The following CEP85L variants were observed in gnomAD, a reference collection of about 807,000 sequenced individuals.
The protein encoded by CEP85L is centrosomal protein of 85 kDa-like.
In CEP85L, 60 loss-of-function variants were observed where a neutral mutation model predicts 100.3. The observed-to-expected ratio is 0.60, with a 90% CI of 0.49 to 0.74. The LOEUF (loss-of-function observed/expected upper bound fraction) is 0.74, where lower values mean the gene tolerates loss of function less well. Among genes scored for constraint, CEP85L ranks in the 30% least tolerant of loss-of-function variants. The pLI is 0.00. For synonymous variants in CEP85L, 319 were observed against 322.7 expected, an observed-to-expected ratio of 0.99 and a Z score of 0.12; for missense variants, 973 against 936.2, an observed-to-expected ratio of 1.04 and a Z score of -0.51.
chr6:118,615,864 C>A (rs960967821), intron 2 of CEP85L, among the ~76,000 whole-genome samples: 3 of 152,222 alleles, frequency 2.0e-5, no homozygotes, highest in Admixed American at 6.5e-5. Context: ...CATGACTTCG[C>A]AGTGATAGAA....
At chr6:118,566,902 C>T (rs944685366) in intron 2 of CEP85L, among the ~76,000 whole-genome samples, 7 of 151,834 alleles carry the variant, frequency 4.6e-5, no homozygotes, top group East Asian at 1.9e-4. Context: ...TTATATTTAC[C>T]CTAATTAAAG....
chr6:118,700,770 G>A (rs1777380055), intron 1 of CEP85L, among the ~76,000 whole-genome samples: 1 of 152,174 alleles, frequency 6.6e-6, no homozygotes, highest in Admixed American at 6.5e-5. Context: ...ACCCCTGACA[G>A]TAACAGCATC....
At chr6:118,573,700 A>G (rs958543064) in intron 2 of CEP85L, among the ~76,000 whole-genome samples, 1 of 152,180 alleles carries the variant, frequency 6.6e-6, no homozygotes, top group African/African-American at 2.4e-5. Flanking sequence ...ATGGGTATAT[A>G]TTATACCATT....
intron 3 of CEP85L, among the ~76,000 whole-genome samples, chr6:118,563,868 C>G (rs1281206939): frequency 6.6e-6 from 1 of 152,088 alleles, no homozygotes; most frequent in Non-Finnish European, 1.5e-5. Flanking sequence ...CTGTAGTTTT[C>G]TAAGGAGGAA....
At chr6:118,663,100 T>C (rs1409991322) in intron 1 of CEP85L, among the ~76,000 whole-genome samples, 1 of 152,074 alleles carries the variant, frequency 6.6e-6, no homozygotes, top group Non-Finnish European at 1.5e-5. Context: ...TATACAAAGA[T>C]TAAATAATTA....
intron 1 of CEP85L, among the ~76,000 whole-genome samples, chr6:118,702,670 T>C (rs1361139450): frequency 6.6e-6 from 1 of 152,196 alleles, no homozygotes; most frequent in African/African-American, 2.4e-5. Flanking sequence ...GAATTTAAAA[T>C]GGTTACAAAA....
chr6:118,620,862 C>T lies in CEP85L; in HGVS notation c.232+11591G>A, dbSNP rs111560668. ...CAACTGGGAGACCTTGCTCTTTTCA[C>T]GTCTTTCTTATCATGCCTGAAAGTC... On this transcript the variant is annotated intron_variant, in intron 2 of 12. Transcript: ENST00000368491. Among the ~76,000 whole-genome samples, 12 of 152,308 alleles carry T rather than the reference C, an allele frequency of 7.9e-5. 1 individual carries two copies. The highest frequency in any genetic ancestry group is 2.6e-4 in the African/African-American group (11 of 41,574).
At chr6:118,535,368 G>A (rs990648464) in intron 3 of CEP85L, among the ~76,000 whole-genome samples, 1 of 152,108 alleles carries the variant, frequency 6.6e-6, no homozygotes, top group African/African-American at 2.4e-5. Flanking sequence ...TTGCCAAGCG[G>A]GGTAGAGGAC....
intron 1 of CEP85L, among the ~76,000 whole-genome samples, chr6:118,694,361 G>T (rs970095528): frequency 7.2e-5 from 11 of 151,986 alleles, no homozygotes; most frequent in Non-Finnish European, 1.2e-4. Context: ...TGATGAGAAA[G>T]AAAAAATAAA....
In CEP85L at chr6:118,606,201, TA is replaced by T. The variant is rs376727067; in HGVS notation, c.232+26251del. ...GCTGACTTTTAACCATAGTGCTCTT[TA>T]AAAAAACAAATCCTTTCAGATCTCT... On this transcript the variant is annotated intron_variant, in intron 2 of 12. Transcript: ENST00000368491. Among the ~76,000 whole-genome samples, 587 of 152,264 alleles carry T rather than the reference TA, an allele frequency of 3.9e-3. 3 individuals carry two copies. The highest frequency in any genetic ancestry group is 0.013 in the African/African-American group (559 of 41,552).
At chr6:118,502,443 C>G (rs1358703467) in intron 5 of CEP85L, 1 of 530,224 alleles carries the variant, frequency 1.9e-6, no homozygotes, top group Non-Finnish European at 3.7e-6. Context: ...GGAGATATCA[C>G]CTGACGATGA....
chr6:118,605,704 T>TAACAAAA (rs1562302579), intron 2 of CEP85L, among the ~76,000 whole-genome samples: 2 of 149,882 alleles, frequency 1.3e-5, no homozygotes, highest in Non-Finnish European at 3.0e-5. Flanking sequence ...TTAGGGCCTC[T>TAACAAAA]CATGTGTGCA....
intron 6 of CEP85L, 41 bp downstream of exon 6, chr6:118,491,633 TATATGCTGAGGA>T: frequency 6.3e-7 from 1 of 1,575,510 alleles, no homozygotes; most frequent in African/African-American, 1.4e-5. Context: ...GACAAATAAT[TATATGCTGAGGA>T]AATGTTGTTG....
At chr6:118,524,361 G>A (rs894110375) in intron 3 of CEP85L, among the ~76,000 whole-genome samples, 6 of 152,038 alleles carry the variant, frequency 3.9e-5, no homozygotes, top group East Asian at 1.9e-4. Flanking sequence ...GAAGAATGGC[G>A]TGAACCCGGG....
At chr6:118,696,710 TTAAGA>T (rs777316746) in intron 1 of CEP85L, among the ~76,000 whole-genome samples, 7 of 152,174 alleles carry the variant, frequency 4.6e-5, no homozygotes, top group Non-Finnish European at 1.0e-4. Context: ...TTGTTAGCAG[TTAAGA>T]TATTTTTGAC....
intron 10 of CEP85L, among the ~76,000 whole-genome samples, chr6:118,476,955 T>C (rs899477973): frequency 2.8e-4 from 42 of 152,308 alleles, no homozygotes; most frequent in Non-Finnish European, 2.8e-4. Context: ...GAAAAAGGCT[T>C]ACGGATTTGA....
rs1400212516 is a variant in CEP85L, at chr6:118,460,805, C to G, written c.*4600G>C. The G allele has an allele frequency of 6.6e-6, 1 of 152,074 alleles. No individual in the cohort carries two copies. The highest frequency in any genetic ancestry group is 1.5e-5 in the Non-Finnish European group (1 of 67,994). The allele number at this position is 152,074 out of a possible 1,614,324, so 9.4% of individuals were successfully genotyped here. On this transcript the variant is annotated 3_prime_UTR_variant, in exon 13 of 13. Coordinates refer to ENST00000368491, the MANE Select transcript of CEP85L (RefSeq NM_001042475.3). ...TAAAAAATTTATTTCTCTGTAAATA[C>G]AAATTCCAACATCAACAAACAATAG...
rs570992255 is a variant in CEP85L, at chr6:118,542,216, T to C, written c.1021-18296A>G. On this transcript the variant is annotated intron_variant, in intron 3 of 12. Transcript: ENST00000368491. ...CATTAAAATTTGTAACATATATTTT[T>C]AATAAACAGCACACAAAAATGCCCA... Among the ~76,000 whole-genome samples, 4 of 152,298 alleles carry C rather than the reference T, an allele frequency of 2.6e-5. No homozygotes were observed. In the South Asian group the frequency reaches 8.3e-4, roughly 32 times the overall value.
In CEP85L at chr6:118,519,566, GTGTGTGTGTGTGT is replaced by G. The variant is rs1263396327; in HGVS notation, c.1139+4223_1139+4235del. 6.9e-3 allele frequency among the ~76,000 whole-genome samples: 74 copies of G among 10,776 alleles called. 5 individuals carry two copies. Among genetic ancestry groups the G allele is most frequent in the Non-Finnish European group, 0.016 (42 of 2,650 alleles). 7.1% of individuals were successfully genotyped at this position (10,776 alleles called of 152,430 possible). ...TGTGTGTGTGTGTGTGTGTGTGTGT[GTGTGTGTGTGTGT>G]GTGGCGGGGGGGGGGTGTGAAACTC... is the stretch of plus-strand genomic sequence containing the variant. On this transcript the variant is annotated intron_variant, in intron 4 of 12. Coordinates refer to ENST00000368491, the MANE Select transcript of CEP85L (RefSeq NM_001042475.3).
Sources: allele counts gnomAD v4.1 joint callset (sites outside exome capture counted in the v4.1 genomes callset), GRCh38; gene constraint gnomAD v4.1.1; transcripts MANE v1.5; gene names NCBI Gene and HGNC (gene_info 2026-07-23, HGNC 2026-07-21).